Variants in MAP7 observed in about 807,000 individuals in gnomAD.
MAP7 encodes the protein ensconsin.
MAP7 carries 52 observed loss-of-function variants against 94.8 expected under a neutral mutation model. The ratio of observed to expected loss-of-function variants is 0.55; its 90% CI spans 0.44 to 0.69. The LOEUF (loss-of-function observed/expected upper bound fraction) is 0.69. Among genes scored for constraint, MAP7 ranks in the 30% least tolerant of loss-of-function variants. The pLI is 0.00. For synonymous variants in MAP7, 350 were observed against 357.0 expected, an observed-to-expected ratio of 0.98 and a Z score of 0.22; for missense variants, 940 against 964.6, an observed-to-expected ratio of 0.97 and a Z score of 0.34.
chr6:136,380,773 T>A (rs895148287), intron 6 of MAP7, among the ~76,000 whole-genome samples: 1 of 152,258 alleles, frequency 6.6e-6, no homozygotes, highest in Non-Finnish European at 1.5e-5. Flanking sequence ...CATATTCAGG[T>A]GTAATAATTA....
At chr6:136,502,658 T>A (rs1353996756) in intron 1 of MAP7, among the ~76,000 whole-genome samples, 3 of 152,224 alleles carry the variant, frequency 2.0e-5, no homozygotes, top group Non-Finnish European at 4.4e-5. Flanking sequence ...TTGTAGGGGC[T>A]GATGGGTCCT....
At position 136,384,520 on chromosome 6, in the gene MAP7, GTA is replaced by G. The variant is rs553334279; in HGVS notation, c.527-741_527-740del. ...TTTTTTTTTTTTTTGGGGAGACAGG[GTA>G]TTGCTCTGTTGGCCAGGCTGGCATG... On this transcript the variant is annotated intron_variant, in intron 5 of 17. Transcript: ENST00000354570. 6.6e-3 allele frequency among the ~76,000 whole-genome samples: 998 copies of G among 151,762 alleles called. 4 individuals are homozygous for G. Among genetic ancestry groups the G allele is most frequent in the Non-Finnish European group, 9.6e-3 (655 of 67,908 alleles).
At chr6:136,400,246 C>A (rs1388928657) in intron 3 of MAP7, among the ~76,000 whole-genome samples, 1 of 152,004 alleles carries the variant, frequency 6.6e-6, no homozygotes, top group Non-Finnish European at 1.5e-5. Flanking sequence ...GAAACCCTGT[C>A]TCTACTGAAA....
chr6:136,361,209 A>G (rs1337058776), intron 11 of MAP7, 30 bp from the exon 12 acceptor site: 4 of 1,599,438 alleles, frequency 2.5e-6, no homozygotes, highest in South Asian at 1.1e-5. Context: ...AACCAAAACC[A>G]AAGACACCTG....
Position 136,344,153 on chromosome 6 carries a change from T to C in MAP7, c.*75A>G. 1.3e-6 allele frequency: 1 copy of C among 759,874 alleles called. No homozygotes were observed. The highest frequency in any genetic ancestry group is 1.9e-6 in the Non-Finnish European group (1 of 520,204). 47.1% of individuals were successfully genotyped at this position (759,874 alleles called of 1,614,324 possible). A position where few individuals can be genotyped will look rare whatever the true frequency, so the allele number is the denominator to read the frequency against. On this transcript the variant is annotated 3_prime_UTR_variant, in exon 18 of 18. Coordinates refer to ENST00000354570, the MANE Select transcript of MAP7 (RefSeq NM_003980.6). ...GAAAACGGGTGGAGGGGATGCTCCT[T>C]TATAGCAGGAAAGGAATTCCATTAA...
intron 13 of MAP7, among the ~76,000 whole-genome samples, 200 bp downstream of exon 13, chr6:136,360,497 C>T (rs1792280981): frequency 6.6e-6 from 1 of 152,166 alleles, no homozygotes; most frequent in Non-Finnish European, 1.5e-5. Context: ...CTGCCTTAAG[C>T]TACATGAAGT....
chr6:136,436,015 C>G (rs892687904), intron 1 of MAP7, among the ~76,000 whole-genome samples: 1 of 152,048 alleles, frequency 6.6e-6, no homozygotes, highest in Non-Finnish European at 1.5e-5. Context: ...CTTTCAAACA[C>G]CTAATTCATA....
At chr6:136,397,278 G>A (rs1265005181) in intron 3 of MAP7, among the ~76,000 whole-genome samples, 3 of 151,432 alleles carry the variant, frequency 2.0e-5, no homozygotes, top group Non-Finnish European at 2.9e-5. Context: ...TTTAATACCC[G>A]GCCCTTCCAC....
intron 16 of MAP7, among the ~76,000 whole-genome samples, chr6:136,349,554 T>A (rs987517265): frequency 6.6e-6 from 1 of 152,240 alleles, no homozygotes; most frequent in African/African-American, 2.4e-5. Flanking sequence ...TTGTATTTTT[T>A]GTAGAGACGG....
At chr6:136,417,517 C>T (rs187124679) in intron 2 of MAP7, among the ~76,000 whole-genome samples, 195 of 152,328 alleles carry the variant, frequency 1.3e-3, no homozygotes, top group Middle Eastern at 3.4e-3. Flanking sequence ...TTCTGTATTT[C>T]TGTCAGCAAT....
At position 136,526,270 on chromosome 6, in the gene MAP7, C is replaced by T. The variant is rs545823468; in HGVS notation, c.67+24072G>A. 193 of 1,058,894 alleles carry T rather than the reference C, an allele frequency of 1.8e-4. No individual in the cohort carries two copies. The African/African-American group carries it at 3.6e-3, about 20-fold the overall frequency. 65.6% of individuals were successfully genotyped at this position (1,058,894 alleles called of 1,614,324 possible). A position where few individuals can be genotyped will look rare whatever the true frequency, so the allele number is the denominator to read the frequency against. ...GCTCCGGCTCATGCATGCACGTACA[C>T]GCGCGCGCACACACACACACACACA... On this transcript the variant is annotated intron_variant, in intron 1 of 17. Coordinates refer to ENST00000354570, the MANE Select transcript of MAP7 (RefSeq NM_003980.6).
At chr6:136,426,959 T>C (rs1793348597) in intron 1 of MAP7, among the ~76,000 whole-genome samples, 1 of 152,116 alleles carries the variant, frequency 6.6e-6, no homozygotes. Flanking sequence ...AAGAAAACAA[T>C]AAAAGGAAAT....
At chr6:136,464,178 T>C (rs1175626549) in intron 1 of MAP7, among the ~76,000 whole-genome samples, 1 of 152,236 alleles carries the variant, frequency 6.6e-6, no homozygotes, top group Non-Finnish European at 1.5e-5. Context: ...TTTTCTTTTC[T>C]GCTTGAAACA....
Position 136,421,771 on chromosome 6 carries a change from C to A in MAP7, c.96G>T (p.Lys32Asn). Residue 32 changes from lysine to asparagine, a missense_variant, in exon 2 of 18, where the codon AAG becomes AAT. Transcript: ENST00000354570. ...AGGCAGGGCGGCTGGAGGCATTTTT[C>A]TTATCTTGCACTTTGTAGCTGTCGG... The part of the protein sequence containing the change: ...TAPDSYKVQD[K>N]KNASSRPASA... 6.2e-7 allele frequency: 1 copy of A among 1,613,762 alleles called. No individual in the cohort carries two copies. Among genetic ancestry groups the A allele is most frequent in the Non-Finnish European group, 8.5e-7 (1 of 1,179,886 alleles).
At chr6:136,400,820 C>T (rs1168628903) in intron 3 of MAP7, among the ~76,000 whole-genome samples, 1 of 152,204 alleles carries the variant, frequency 6.6e-6, no homozygotes, top group Non-Finnish European at 1.5e-5. Flanking sequence ...CTGCATGCTT[C>T]TAATTTCCAC....
At chr6:136,444,800 A>G (rs1189553074) in intron 1 of MAP7, among the ~76,000 whole-genome samples, 2 of 152,232 alleles carry the variant, frequency 1.3e-5, no homozygotes, top group Non-Finnish European at 2.9e-5. Context: ...GGTATTCCAT[A>G]GGTGCTTCAA....
At position 136,537,692 on chromosome 6, in the gene MAP7, T is replaced by C. The variant is rs556065464; in HGVS notation, c.67+12650A>G. Among the ~76,000 whole-genome samples the C allele has an allele frequency of 1.3e-4, 20 of 152,330 alleles. No homozygotes were observed. In the South Asian group the frequency reaches 3.9e-3, roughly 30 times the overall value. ...TTTAATCAATTTCCACAGTGGCTACTGTATACAAAAAGACAATTTGGGAGC... is the reference window on the plus strand; with the variant it reads ...TTTAATCAATTTCCACAGTGGCTACCGTATACAAAAAGACAATTTGGGAGC... On this transcript the variant is annotated intron_variant, in intron 1 of 17. Transcript: ENST00000354570.
chr6:136,432,059 G>C (rs889070133), intron 1 of MAP7, among the ~76,000 whole-genome samples: 1 of 152,132 alleles, frequency 6.6e-6, no homozygotes, highest in African/African-American at 2.4e-5. Flanking sequence ...AAGGCTGAGG[G>C]AACAACAGAG....
chr6:136,513,328 C>T (rs1157811693), intron 1 of MAP7, among the ~76,000 whole-genome samples: 1 of 152,230 alleles, frequency 6.6e-6, no homozygotes, highest in African/African-American at 2.4e-5. Context: ...ATGTAATATT[C>T]TAAATCCTTT....
Sources: allele counts gnomAD v4.1 joint callset (sites outside exome capture counted in the v4.1 genomes callset), GRCh38; gene constraint gnomAD v4.1.1; transcripts MANE v1.5; gene names NCBI Gene and HGNC (gene_info 2026-07-23, HGNC 2026-07-21).